The following OXR1 variants were observed in gnomAD, a reference collection of about 807,000 sequenced individuals.
OXR1 encodes the protein oxidation resistance 1.
A neutral mutation model predicts 104.6 loss-of-function variants in OXR1; 41 were observed. The ratio of observed to expected loss-of-function variants is 0.39; its 90% CI spans 0.31 to 0.51. The LOEUF (loss-of-function observed/expected upper bound fraction) is 0.51. Ranked by LOEUF, OXR1 falls within the 20% of genes least tolerant of loss-of-function variation. OXR1 has a pLI of 0.77. For synonymous variants in OXR1, 348 were observed against 348.4 expected (o/e 1.00, Z 0.01); for missense variants, 955 against 1,031.9 (o/e 0.93, Z 1.02).
chr8:106,438,828 C>T (rs761532000), intron 2 of OXR1, among the ~76,000 whole-genome samples: 1 of 152,056 alleles, frequency 6.6e-6, no homozygotes, highest in Non-Finnish European at 1.5e-5. Flanking sequence ...AGCACTACTC[C>T]GCTTCCCATA....
At chr8:106,423,554 A>T (rs1818987169) in intron 2 of OXR1, among the ~76,000 whole-genome samples, 1 of 152,216 alleles carries the variant, frequency 6.6e-6, no homozygotes, top group Non-Finnish European at 1.5e-5. Context: ...AACAGAGTTT[A>T]TTCTCTCAGC....
intron 2 of OXR1, among the ~76,000 whole-genome samples, chr8:106,455,480 A>C (rs1820551203): frequency 6.6e-6 from 1 of 152,206 alleles, no homozygotes; most frequent in South Asian, 2.1e-4. Context: ...CCAAGGTCAA[A>C]TGCATGTCCT....
intron 2 of OXR1, among the ~76,000 whole-genome samples, chr8:106,490,891 G>A (rs76175850): frequency 0.012 from 1,894 of 152,120 alleles, 31 homozygotes; most frequent in East Asian, 0.079. Context: ...ATGCCCTATA[G>A]CATTATGGAG....
At chr8:106,316,770 A>ATCTG (rs1554622170) in intron 1 of OXR1, among the ~76,000 whole-genome samples, 1,962 of 146,972 alleles carry the variant, frequency 0.013, 31 homozygotes, top group African/African-American at 0.027. Context: ...CTATCTATCT[A>ATCTG]TCTATTGCTC....
intron 1 of OXR1, among the ~76,000 whole-genome samples, chr8:106,274,756 A>G (rs111356445): frequency 9.2e-5 from 14 of 152,160 alleles, no homozygotes; most frequent in African/African-American, 3.4e-4. Context: ...CTGCTTCTAT[A>G]TTTACTGAAT....
At chr8:106,466,717 T>C (rs1387125847) in intron 2 of OXR1, among the ~76,000 whole-genome samples, 1 of 151,914 alleles carries the variant, frequency 6.6e-6, no homozygotes, top group Non-Finnish European at 1.5e-5. Flanking sequence ...AATTTAGTTA[T>C]ACTGGAAAAC....
chr8:106,606,709 T>G (rs1322108589), intron 3 of OXR1, among the ~76,000 whole-genome samples: 1 of 152,046 alleles, frequency 6.6e-6, no homozygotes, highest in Middle Eastern at 3.2e-3. Context: ...TCAGTATAAT[T>G]TCCCATCTCA....
chr8:106,730,037 T>A (rs1025750736), intron 11 of OXR1, among the ~76,000 whole-genome samples: 2 of 151,950 alleles, frequency 1.3e-5, no homozygotes, highest in Non-Finnish European at 2.9e-5. Context: ...CCTCTCTGGA[T>A]TTTTTGTTTT....
Position 106,706,370 on chromosome 8 carries a change from G to T in OXR1, c.861-12G>T. 6.5e-7 allele frequency: 1 copy of T among 1,534,992 alleles called. No homozygotes were observed. Among genetic ancestry groups the T allele is most frequent in the East Asian group, 2.4e-5 (1 of 42,398 alleles). On this transcript the variant is annotated splice_polypyrimidine_tract_variant and intron_variant, in intron 8 of 16. Transcript: ENST00000517566. ...TAAAAGTCTAATTATTTTTAATTTT[G>T]TTTAATGACAGAGATATAGATCAGC...
At chr8:106,284,989 A>G (rs1273268948) in intron 1 of OXR1, among the ~76,000 whole-genome samples, 1 of 152,258 alleles carries the variant, frequency 6.6e-6, no homozygotes, top group South Asian at 2.1e-4. Flanking sequence ...TATATATAAA[A>G]TAAGTTCTAG....
chr8:106,699,776 A>G (rs1366862061), intron 7 of OXR1, among the ~76,000 whole-genome samples: 1 of 152,202 alleles, frequency 6.6e-6, no homozygotes, highest in Non-Finnish European at 1.5e-5. Flanking sequence ...GGAGATAAGC[A>G]GGAAGTGGTG....
intron 2 of OXR1, among the ~76,000 whole-genome samples, chr8:106,479,447 A>G (rs1036022715): frequency 4.6e-5 from 7 of 151,932 alleles, no homozygotes; most frequent in African/African-American, 1.2e-4. Context: ...GATTTTCTCT[A>G]CTGCTAATAG....
chr8:106,335,745 T>C (rs567929951), intron 1 of OXR1, among the ~76,000 whole-genome samples: 416 of 152,274 alleles, frequency 2.7e-3, no homozygotes, highest in Non-Finnish European at 4.8e-3. Flanking sequence ...ATTTTTTTCT[T>C]ATAAAAGAGT....
At chr8:106,635,467 CAT>C (rs1212170525) in intron 3 of OXR1, among the ~76,000 whole-genome samples, 1 of 151,896 alleles carries the variant, frequency 6.6e-6, no homozygotes, top group African/African-American at 2.4e-5. Context: ...GTTTTTTTGA[CAT>C]AGTCTTGTTC....
chr8:106,364,186 T>C (rs939622615), intron 2 of OXR1, among the ~76,000 whole-genome samples: 1 of 152,252 alleles, frequency 6.6e-6, no homozygotes, highest in Non-Finnish European at 1.5e-5. Context: ...CTTCATTACA[T>C]ATGTATATCA....
At chr8:106,667,322 AATG>A in intron 3 of OXR1, among the ~76,000 whole-genome samples, 1 of 152,352 alleles carries the variant, frequency 6.6e-6, no homozygotes, top group Middle Eastern at 3.4e-3. Context: ...TGTTTTCCTT[AATG>A]ATATTTCTCT....
chr8:106,448,096 G>A (rs1445071326), intron 2 of OXR1: 22 of 1,529,812 alleles, frequency 1.4e-5, no homozygotes, highest in Non-Finnish European at 1.8e-5. Context: ...CCTGTGTTAT[G>A]AAGAAAACGT....
intron 6 of OXR1, among the ~76,000 whole-genome samples, chr8:106,691,938 C>CA (rs899440431): frequency 1.2e-4 from 17 of 139,680 alleles, no homozygotes; most frequent in South Asian, 9.1e-4. Flanking sequence ...TTAAGTTCAA[C>CA]AAAAAAAAAC....
chr8:106,277,608 A>G (rs1466556010), intron 1 of OXR1, among the ~76,000 whole-genome samples: 3 of 152,244 alleles, frequency 2.0e-5, no homozygotes, highest in Non-Finnish European at 2.9e-5. Context: ...GACTCTAAGC[A>G]GGACCTGATT....
Sources: gnomAD v4.1 joint callset for allele counts (sites outside exome capture counted in the v4.1 genomes callset) on GRCh38, gnomAD v4.1.1 for gene constraint, MANE v1.5 for transcripts, NCBI Gene and HGNC (gene_info 2026-07-23, HGNC 2026-07-21) for gene names.